The following LRRC4C variants were observed in gnomAD, a reference collection of about 807,000 sequenced individuals.
LRRC4C encodes the protein leucine rich repeat containing 4C, also known as leucine-rich repeat-containing protein 4C.
In LRRC4C, 5 loss-of-function variants were observed where a neutral mutation model predicts 33.6. That is an observed-to-expected ratio of 0.15 (90% CI 0.08 to 0.31). LRRC4C has a LOEUF of 0.31. LRRC4C is among the 10% of genes least tolerant of loss of function. LRRC4C has a pLI of 1.00. For synonymous variants in LRRC4C, 329 were observed against 302.0 expected, an observed-to-expected ratio of 1.09 and a Z score of -0.93; for missense variants, 560 against 796.7, an observed-to-expected ratio of 0.70 and a Z score of 3.58.
intron 1 of LRRC4C, among the ~76,000 whole-genome samples, chr11:41,366,822 G>A (rs1016779298): frequency 1.3e-5 from 2 of 152,074 alleles, no homozygotes; most frequent in African/African-American, 4.8e-5. Context: ...AAGGAGAAAG[G>A]ATTGATCTCA....
intron 5 of LRRC4C, among the ~76,000 whole-genome samples, chr11:40,168,848 T>C (rs549254610): frequency 6.6e-6 from 1 of 152,156 alleles, no homozygotes; most frequent in Non-Finnish European, 1.5e-5. Context: ...AATTTCTGAG[T>C]AGGGCAGGTA....
intron 1 of LRRC4C, among the ~76,000 whole-genome samples, chr11:41,025,845 A>G (rs1158765645): frequency 6.6e-6 from 1 of 151,786 alleles, no homozygotes; most frequent in African/African-American, 2.4e-5. Context: ...CCTGTGTTCT[A>G]TAAATGGAAC....
intron 1 of LRRC4C, among the ~76,000 whole-genome samples, chr11:41,371,139 C>G (rs138274602): frequency 0.014 from 1,923 of 142,246 alleles, 20 homozygotes; most frequent in Non-Finnish European, 0.02. Context: ...ATTTAGCTAC[C>G]ACCATCATCT....
chr11:41,169,766 C>T (rs1312992343), intron 1 of LRRC4C, among the ~76,000 whole-genome samples: 2 of 152,102 alleles, frequency 1.3e-5, no homozygotes, highest in Middle Eastern at 3.2e-3. Context: ...AGCTTTATTA[C>T]GTTTGTTCTG....
At chr11:41,200,321 G>T (rs767014568) in intron 1 of LRRC4C, among the ~76,000 whole-genome samples, 1 of 152,042 alleles carries the variant, frequency 6.6e-6, no homozygotes, top group Non-Finnish European at 1.5e-5. Flanking sequence ...AAATGCTGTG[G>T]AAGTAAAAAG....
intron 3 of LRRC4C, among the ~76,000 whole-genome samples, chr11:40,634,032 T>C (rs1963740749): frequency 1.3e-5 from 2 of 152,212 alleles, no homozygotes; most frequent in South Asian, 2.1e-4. Flanking sequence ...GCAGGGTATA[T>C]TGACAGGTTG....
intron 2 of LRRC4C, among the ~76,000 whole-genome samples, chr11:40,731,017 G>A (rs1290290619): frequency 1.3e-5 from 2 of 152,048 alleles, no homozygotes; most frequent in Non-Finnish European, 2.9e-5. Context: ...ACGAGATTTG[G>A]TTGTTTAAAA....
chr11:40,326,144 T>G (rs1316896116), intron 3 of LRRC4C, among the ~76,000 whole-genome samples: 2 of 152,124 alleles, frequency 1.3e-5, no homozygotes, highest in Non-Finnish European at 2.9e-5. Flanking sequence ...TGAAAGCATA[T>G]TTGTCTAATA....
chr11:40,902,992 C>T (rs1381651647), intron 2 of LRRC4C, among the ~76,000 whole-genome samples: 2 of 152,156 alleles, frequency 1.3e-5, no homozygotes. Context: ...CATCAAACAA[C>T]AGATTTTCAA....
chr11:41,201,153 G>T (rs1946383859), intron 1 of LRRC4C, among the ~76,000 whole-genome samples: 1 of 152,134 alleles, frequency 6.6e-6, no homozygotes, highest in South Asian at 2.1e-4. Context: ...TCTACCTCCT[G>T]CTAGGCCTGT....
At chr11:41,080,547 T>C (rs1178395230) in intron 1 of LRRC4C, among the ~76,000 whole-genome samples, 1 of 151,942 alleles carries the variant, frequency 6.6e-6, no homozygotes, top group Non-Finnish European at 1.5e-5. Context: ...GAGACGGAGT[T>C]TCTCCATGGT....
intron 3 of LRRC4C, among the ~76,000 whole-genome samples, chr11:40,570,546 C>A (rs1258283281): frequency 6.6e-6 from 1 of 152,114 alleles, no homozygotes; most frequent in Non-Finnish European, 1.5e-5. Context: ...ATCTTTATAA[C>A]CCATAATACT....
intron 2 of LRRC4C, among the ~76,000 whole-genome samples, chr11:40,698,737 T>A (rs1056340662): frequency 1.4e-4 from 22 of 152,174 alleles, no homozygotes; most frequent in African/African-American, 5.3e-4. Flanking sequence ...TAGTTCCACG[T>A]GGCTGGGGAG....
chr11:40,332,698 T>C (rs1225770773), intron 3 of LRRC4C, among the ~76,000 whole-genome samples: 2 of 152,220 alleles, frequency 1.3e-5, no homozygotes, highest in Non-Finnish European at 2.9e-5. Flanking sequence ...AAAGCACATT[T>C]AACTCTCTGA....
chr11:41,440,206 A>G (rs1955569198), intron 1 of LRRC4C, among the ~76,000 whole-genome samples: 1 of 152,088 alleles, frequency 6.6e-6, no homozygotes, highest in South Asian at 2.1e-4. Context: ...GGTGAGAGAC[A>G]TGGGTCCAGT....
intron 2 of LRRC4C, among the ~76,000 whole-genome samples, chr11:40,789,638 C>A (rs1259024634): frequency 2.0e-5 from 3 of 152,076 alleles, no homozygotes; most frequent in African/African-American, 7.2e-5. Context: ...CTCAGACAAA[C>A]CTCATTTCTT....
At chr11:41,338,653 A>G (rs1487125074) in intron 1 of LRRC4C, among the ~76,000 whole-genome samples, 1 of 152,148 alleles carries the variant, frequency 6.6e-6, no homozygotes, top group Non-Finnish European at 1.5e-5. Context: ...ATGTATGCCT[A>G]TGTAACACGC....
intron 2 of LRRC4C, among the ~76,000 whole-genome samples, chr11:40,693,561 C>T (rs1240626163): frequency 6.6e-6 from 1 of 152,030 alleles, no homozygotes; most frequent in Non-Finnish European, 1.5e-5. Flanking sequence ...TAAGGATATA[C>T]AATCTGTGAG....
At chr11:40,322,401 A>G (rs1945895111) in intron 3 of LRRC4C, among the ~76,000 whole-genome samples, 1 of 152,034 alleles carries the variant, frequency 6.6e-6, no homozygotes. Flanking sequence ...ATGTGCCACC[A>G]TGCCTGGCTA....
Sources: gnomAD v4.1 joint callset for allele counts (sites outside exome capture counted in the v4.1 genomes callset) on GRCh38, gnomAD v4.1.1 for gene constraint, MANE v1.5 for transcripts, NCBI Gene and HGNC (gene_info 2026-07-23, HGNC 2026-07-21) for gene names.